The following STT3B variants were observed in gnomAD, a reference collection of about 807,000 sequenced individuals.
STT3B encodes dolichyl-diphosphooligosaccharide--protein glycosyltransferase subunit STT3B.
In STT3B, 29 loss-of-function variants were observed where a neutral mutation model predicts 96.8. The observed-to-expected ratio is 0.30, with a 90% CI of 0.22 to 0.41. STT3B has a LOEUF of 0.41. Among genes scored for constraint, STT3B ranks in the 10% least tolerant of loss-of-function variants. The pLI, the probability that STT3B is intolerant of heterozygous loss-of-function variation, is 1.00. For missense variants in STT3B, 640 were observed against 1,022.3 expected, an observed-to-expected ratio of 0.63 and a Z score of 5.10; for synonymous variants, 367 against 360.0, an observed-to-expected ratio of 1.02 and a Z score of -0.22.
At chr3:31,572,015 C>CATATTATTATATATTAATATATGAT (rs1698156204) in intron 1 of STT3B, among the ~76,000 whole-genome samples, 1 of 131,954 alleles carries the variant, frequency 7.6e-6, no homozygotes, top group African/African-American at 3.1e-5. Context: ...TTTTATTAAA[C>CATATTATTATATATTAATATATGAT]ATATTAATAT....
At chr3:31,573,606 A>G (rs1575421182) in intron 1 of STT3B, among the ~76,000 whole-genome samples, 1 of 152,302 alleles carries the variant, frequency 6.6e-6, no homozygotes, top group East Asian at 1.9e-4. Context: ...AAGCAGATAT[A>G]GTGCATATGT....
intron 1 of STT3B, among the ~76,000 whole-genome samples, chr3:31,534,919 T>G (rs986147898): frequency 1.3e-5 from 2 of 152,196 alleles, no homozygotes; most frequent in African/African-American, 4.8e-5. Context: ...TGACACAATA[T>G]TATTAGGTGG....
chr3:31,550,071 ATTAGT>A lies in STT3B; in HGVS notation c.314+16765_314+16769del, dbSNP rs149910643. Among the ~76,000 whole-genome samples the A allele has an allele frequency of 5.7e-3, 861 of 151,836 alleles. 20 individuals carry two copies. In the East Asian group the frequency reaches 0.071, roughly 12 times the overall value. On this transcript the variant is annotated intron_variant, in intron 1 of 15. Coordinates refer to ENST00000295770, the MANE Select transcript of STT3B (RefSeq NM_178862.3). ...TGTCAGTTGCTTTTTCTTTTTTCCA[ATTAGT>A]TTAGTAAATGTCCTTTATAAATCAG...
At chr3:31,623,960 T>A in intron 11 of STT3B, 99 bp downstream of exon 11, 2 of 1,054,310 alleles carry the variant, frequency 1.9e-6, no homozygotes, top group Non-Finnish European at 2.7e-6. Flanking sequence ...TTTGTGAGAT[T>A]CTGCATTTGC....
intron 5 of STT3B, among the ~76,000 whole-genome samples, chr3:31,607,495 C>G (rs1402721817): frequency 6.6e-6 from 1 of 152,074 alleles, no homozygotes; most frequent in Non-Finnish European, 1.5e-5. Context: ...TAAGGGGAAA[C>G]TCCTTTCGCT....
intron 5 of STT3B, among the ~76,000 whole-genome samples, chr3:31,610,430 AAAG>A (rs1418684922): frequency 2.6e-5 from 4 of 152,228 alleles, no homozygotes; most frequent in South Asian, 2.1e-4. Flanking sequence ...ATTTACATAA[AAAG>A]AAGTATAACA....
chr3:31,633,850 T>C lies in STT3B; in HGVS notation c.2400+703T>C, dbSNP rs1385449718. Among the ~76,000 whole-genome samples, 4 of 152,140 alleles carry C rather than the reference T, an allele frequency of 2.6e-5. No individual in the cohort carries two copies. The East Asian group carries it at 7.7e-4, about 29-fold the overall frequency. ...AGTCAGATAAAATGTTAAGGTTCAT[T>C]ATAAGGTACTATCCTTATAATACTG... On this transcript the variant is annotated intron_variant, in intron 15 of 15. Coordinates refer to ENST00000295770, the MANE Select transcript of STT3B (RefSeq NM_178862.3).
chr3:31,576,830 A>G (rs1304813824), intron 2 of STT3B, among the ~76,000 whole-genome samples: 4 of 152,278 alleles, frequency 2.6e-5, no homozygotes, highest in Admixed American at 1.3e-4. Flanking sequence ...TGAAAAAGCA[A>G]TTTGGAAGGA....
intron 1 of STT3B, among the ~76,000 whole-genome samples, chr3:31,562,181 G>A (rs1011722933): frequency 3.3e-5 from 5 of 152,186 alleles, no homozygotes; most frequent in African/African-American, 1.2e-4. Flanking sequence ...AGCTTCTCGA[G>A]CCCCTGGGCA....
At position 31,633,158 on chromosome 3, in the gene STT3B, A is replaced by C. The variant is rs751591097; in HGVS notation, c.2400+11A>C. On this transcript the variant is annotated intron_variant, in intron 15 of 15. Coordinates refer to ENST00000295770, the MANE Select transcript of STT3B (RefSeq NM_178862.3). ...TATTTGTCAAAGAAGGTGGGTGCCAAGTGAAGGCATTAAAGGGTAACTTAA... is the reference window on the plus strand; with the variant it reads ...TATTTGTCAAAGAAGGTGGGTGCCACGTGAAGGCATTAAAGGGTAACTTAA... 1 of 1,611,542 alleles carries C rather than the reference A, an allele frequency of 6.2e-7. No homozygotes were observed. The highest frequency in any genetic ancestry group is 1.1e-5 in the South Asian group (1 of 90,782).
chr3:31,633,795 T>C (rs944317370), intron 15 of STT3B, among the ~76,000 whole-genome samples: 1 of 152,118 alleles, frequency 6.6e-6, no homozygotes, highest in Non-Finnish European at 1.5e-5. Flanking sequence ...ATATAGGTTG[T>C]CCAGCAGTAG....
At chr3:31,570,126 G>A (rs73824188) in intron 1 of STT3B, among the ~76,000 whole-genome samples, 7,665 of 151,852 alleles carry the variant, frequency 0.05, 663 homozygotes, top group African/African-American at 0.17. Context: ...ATGTAAGTAG[G>A]GCATGCCAAA....
At chr3:31,617,818 A>G in intron 7 of STT3B, 122 bp from the exon 8 acceptor site, 1 of 732,376 alleles carries the variant, frequency 1.4e-6, no homozygotes, top group Middle Eastern at 2.9e-4. Flanking sequence ...CCTATAAATG[A>G]AAACTGAAAT....
chr3:31,627,090 C>T (rs986003365), intron 13 of STT3B, among the ~76,000 whole-genome samples: 9 of 152,164 alleles, frequency 5.9e-5, no homozygotes, highest in Non-Finnish European at 1.0e-4. Flanking sequence ...GTACTCATCA[C>T]CAAATTATTT....
Position 31,579,965 on chromosome 3 carries a change from A to G in STT3B, c.580A>G (p.Asn194Asp), listed in dbSNP as rs1380301371. The stretch of plus-strand genomic sequence containing the variant: ...TTTCCTGCTTACAAGAGAACTTTGG[A>G]ACCAAGGAGCAGGACTTTTAGCTGC... Reference protein sequence around the residue: ...STFLLTRELWNQGAGLLAACF... With the variant: ...STFLLTRELWDQGAGLLAACF... The change falls in exon 3 of 16, where the codon AAC becomes GAC. Residue 194 changes from asparagine (N) to aspartate (D), a missense_variant. Around this residue, in one of 8 missense-constraint regions of STT3B, gnomAD observed 267 missense variants for 388.3 expected, o/e 0.69. Transcript: ENST00000295770. The G allele has an allele frequency of 1.9e-6, 3 of 1,613,866 alleles. No homozygotes were observed. In the East Asian group the frequency reaches 6.7e-5, roughly 36 times the overall value.
At chr3:31,626,223 C>G (rs1699534221) in intron 13 of STT3B, 96 bp downstream of exon 13, 1 of 1,146,282 alleles carries the variant, frequency 8.7e-7, no homozygotes. Context: ...GTTTCATCAT[C>G]CTATCCCTCA....
intron 6 of STT3B, 22 bp downstream of exon 6, chr3:31,615,225 C>A: frequency 6.5e-7 from 1 of 1,548,482 alleles, no homozygotes; most frequent in African/African-American, 1.4e-5. Flanking sequence ...ATATATTTTC[C>A]TTCTTCTAAA....
intron 1 of STT3B, among the ~76,000 whole-genome samples, chr3:31,572,776 A>T (rs941921854): frequency 6.6e-6 from 1 of 152,132 alleles, no homozygotes; most frequent in African/African-American, 2.4e-5. Flanking sequence ...TCAGAGAATC[A>T]CTTGAGACTT....
intron 1 of STT3B, among the ~76,000 whole-genome samples, chr3:31,538,572 A>G (rs1255883810): frequency 6.6e-6 from 1 of 152,182 alleles, no homozygotes; most frequent in South Asian, 2.1e-4. Flanking sequence ...GAAGGCTTTT[A>G]TAGGTCAGCC....
Sources: gnomAD v4.1 joint callset for allele counts (sites outside exome capture counted in the v4.1 genomes callset) on GRCh38, gnomAD v4.1.1 for gene constraint, gnomAD v4.1.1 regional missense constraint, MANE v1.5 for transcripts, NCBI Gene and HGNC (gene_info 2026-07-23, HGNC 2026-07-21) for gene names.